The following EGR1 variants were observed in gnomAD, a reference collection of about 807,000 sequenced individuals.
EGR1 encodes the protein early growth response protein 1.
EGR1 carries 8 observed loss-of-function variants against 30.2 expected under a neutral mutation model. That is an observed-to-expected ratio of 0.26 (90% CI 0.16 to 0.48). The LOEUF is 0.48. Ranked by LOEUF, EGR1 falls within the 20% of genes least tolerant of loss-of-function variation. The probability of loss-of-function intolerance (pLI) is 0.99; values close to 1 mark genes in which losing one functional copy is unlikely to be tolerated. For synonymous variants in EGR1, 334 were observed against 312.8 expected (o/e 1.07, Z -0.72); for missense variants, 568 against 732.3 (o/e 0.78, Z 2.59).
chr5:138,466,241 C>G (rs914343384), intron 1 of EGR1, among the ~76,000 whole-genome samples, 173 bp downstream of exon 1: 1 of 152,272 alleles, frequency 6.6e-6, no homozygotes, highest in Admixed American at 6.5e-5. Flanking sequence ...CAGCCCACCC[C>G]CTGCCCTCAT....
At position 138,466,037 on chromosome 5, in the gene EGR1, G is replaced by A; in HGVS notation, c.276G>A (p.Thr92=). Residue 92 remains threonine (T), a synonymous_variant, in exon 1 of 2, where the codon ACG becomes ACA. Transcript: ENST00000239938. ...SSSTFNPQAD[T]GEQPYEHLTA... is the part of the protein sequence containing the mutation. Reference sequence around the variant, plus strand: ...GCACCTTCAACCCTCAGGCGGACACGGGCGAGCAGCCCTACGAGCACCTGA... The same window carrying A: ...GCACCTTCAACCCTCAGGCGGACACAGGCGAGCAGCCCTACGAGCACCTGA... 1 of 1,597,882 alleles carries A rather than the reference G, an allele frequency of 6.3e-7. No homozygotes were observed. The highest frequency in any genetic ancestry group is 1.3e-5 in the African/African-American group (1 of 74,772).
intron 1 of EGR1, 60 bp from the exon 2 acceptor site, chr5:138,466,697 C>G: frequency 1.3e-6 from 2 of 1,549,154 alleles, no homozygotes; most frequent in Non-Finnish European, 1.7e-6. Context: ...TCGGGTCGTC[C>G]TCGTCCTCCA....
rs1411131118 is a variant in EGR1 at position 138,468,758 on chromosome 5, A to T, written c.*677A>T. ...GTAAATACTGCTTGACCGTACTCTC[A>T]CATGTGGCAAAATATGGTTTGGTTT... On this transcript the variant is annotated 3_prime_UTR_variant, in exon 2 of 2. Coordinates refer to ENST00000239938, the MANE Select transcript of EGR1 (RefSeq NM_001964.3). 6.6e-6 allele frequency: 1 copy of T among 151,078 alleles called. No individual in the cohort carries two copies. Among genetic ancestry groups the T allele is most frequent in the East Asian group, 1.9e-4 (1 of 5,172 alleles). The allele number at this position is 151,078 out of a possible 1,614,324, so 9.4% of individuals were successfully genotyped here. A position where few individuals can be genotyped will look rare whatever the true frequency, so the allele number is the denominator to read the frequency against.
Position 138,468,364 on chromosome 5 carries a change from G to A in EGR1, c.*283G>A. On this transcript the variant is annotated 3_prime_UTR_variant, in exon 2 of 2. Transcript: ENST00000239938. Reference sequence around the variant, plus strand: ...AAGAACTTGATTTGCATGGATTTTGGATAAATCATTTCAGTATCATCTCCA... The same window carrying A: ...AAGAACTTGATTTGCATGGATTTTGAATAAATCATTTCAGTATCATCTCCA... 1 of 615,762 alleles carries A rather than the reference G, an allele frequency of 1.6e-6. No individual in the cohort carries two copies. Among genetic ancestry groups the A allele is most frequent in the Non-Finnish European group, 3.0e-6 (1 of 338,100 alleles). The allele number at this position is 615,762 out of a possible 1,614,324, so 38.1% of individuals were successfully genotyped here.
rs1272976358 is a variant in EGR1, at chr5:138,465,970, G to A, written c.209G>A (p.Gly70Asp). ...SNSSSSSSGG[G>D]GGGGGGSNSS... ...AGCAGCAGCAGCAGCAGCGGGGGCG[G>A]TGGAGGCGGCGGGGGCGGCAGCAAC... Residue 70 changes from glycine to aspartate, a missense_variant, in exon 1 of 2, where the codon GGT becomes GAT. Around this residue, in one of 4 missense-constraint regions of EGR1, gnomAD observed 415 missense variants for 445.2 expected, o/e 0.93. Transcript: ENST00000239938. The A allele has an allele frequency of 1.2e-6, 2 of 1,611,192 alleles. No homozygotes were observed. Among genetic ancestry groups the A allele is most frequent in the East Asian group, 2.2e-5 (1 of 44,814 alleles).
chr5:138,466,747 C>G lies in EGR1; in HGVS notation c.308-10C>G, dbSNP rs780705681. 2 of 1,602,264 alleles carry G rather than the reference C, an allele frequency of 1.2e-6. No homozygotes were observed. The highest frequency in any genetic ancestry group is 1.3e-5 in the African/African-American group (1 of 74,674). On this transcript the variant is annotated splice_polypyrimidine_tract_variant and intron_variant, in intron 1 of 1. Transcript: ENST00000239938. ...GTAACCAGGCCTCCCGCTTCTCTCT[C>G]TCCTGCCAGAGTCTTTTCCTGACAT... is the stretch of plus-strand genomic sequence containing the variant.
Position 138,467,295 on chromosome 5 carries a change from G to A in EGR1, c.846G>A (p.Gln282=). 2 of 1,613,966 alleles carry A rather than the reference G, an allele frequency of 1.2e-6. No individual in the cohort carries two copies. Among genetic ancestry groups the A allele is most frequent in the Non-Finnish European group, 1.7e-6 (2 of 1,180,000 alleles). ...TCCAGGGCCTGGAGAGCCGCACCCA[G>A]CAGCCTTCGCTAACCCCTCTGTCTA... ...KPFQGLESRT[Q]QPSLTPLSTI... The change falls in exon 2 of 2, where the codon CAG becomes CAA. Residue 282 remains glutamine, a synonymous_variant. Transcript: ENST00000239938. The surrounding 1 kb of genome is among the most constrained non-coding windows in gnomAD (Gnocchi z 8.3).
Position 138,467,955 on chromosome 5 carries a change from T to A in EGR1, c.1506T>A (p.Val502=). The A allele has an allele frequency of 1.2e-6, 2 of 1,613,852 alleles. No homozygotes were observed. Among genetic ancestry groups the A allele is most frequent in the South Asian group, 1.1e-5 (1 of 91,056 alleles). ...CGGTGGCCACCACGTACTCCTCTGT[T>A]CCCCCTGCTTTCCCGGCCCAGGTCA... ...SPSVATTYSS[V]PPAFPAQVSS... Residue 502 remains valine (V), a synonymous_variant, in exon 2 of 2, where the codon GTT becomes GTA. Coordinates refer to ENST00000239938, the MANE Select transcript of EGR1 (RefSeq NM_001964.3). This position sits in a 1 kb window ranked among gnomAD's most constrained non-coding sequence, Gnocchi z 8.3.
chr5:138,467,876 C>T lies in EGR1; in HGVS notation c.1427C>T (p.Ser476Phe). The T allele has an allele frequency of 1.2e-6, 2 of 1,614,004 alleles. No individual in the cohort carries two copies. The highest frequency in any genetic ancestry group is 2.2e-5 in the South Asian group (2 of 91,082). Reference protein sequence around the residue: ...YPSPVPTSFSSPGSSTYPSPV... With the variant: ...YPSPVPTSFSFPGSSTYPSPV... ...TCCCCTGTGCCCACCTCCTTCTCCT[C>T]TCCCGGCTCCTCGACCTACCCATCC... The change falls in exon 2 of 2, where the codon TCT becomes TTT. Residue 476 changes from serine (S) to phenylalanine (F), a missense_variant. Physicochemically the swap from Ser to Phe is radical, Grantham distance 155 (BLOSUM62 -2). This residue lies in a region of EGR1 where 118 missense variants were observed against 161.6 expected (regional missense o/e 0.73). Coordinates refer to ENST00000239938, the MANE Select transcript of EGR1 (RefSeq NM_001964.3). The surrounding 1 kb of genome is among the most constrained non-coding windows in gnomAD (Gnocchi z 8.3).
Position 138,466,906 on chromosome 5 carries a change from C to G in EGR1, c.457C>G (p.Pro153Ala). 1.9e-6 allele frequency: 3 copies of G among 1,614,068 alleles called. No homozygotes were observed. The highest frequency in any genetic ancestry group is 2.5e-6 in the Non-Finnish European group (3 of 1,180,018). The change falls in exon 2 of 2, where the codon CCC becomes GCC. Residue 153 changes from proline to alanine, a missense_variant. Pro to Ala is a conservative substitution (Grantham distance 27, BLOSUM62 -1). Coordinates refer to ENST00000239938, the MANE Select transcript of EGR1 (RefSeq NM_001964.3). ...PNSGNTLWPE[P>A]LFSLVSGLVS... ...CAGTGGCAACACCTTGTGGCCCGAG[C>G]CCCTCTTCAGCTTGGTCAGTGGCCT... is the stretch of plus-strand genomic sequence containing the variant.
Position 138,465,953 on chromosome 5 carries a change from C to T in EGR1, c.192C>T (p.Ser64=), listed in dbSNP as rs1162193708. Residue 64 remains serine (S), a synonymous_variant, in exon 1 of 2, where the codon AGC becomes AGT. Coordinates refer to ENST00000239938, the MANE Select transcript of EGR1 (RefSeq NM_001964.3). ...AGGGCAGCGGCAGCAACAGCAGCAG[C>T]AGCAGCAGCGGGGGCGGTGGAGGCG... is the stretch of plus-strand genomic sequence containing the variant. The part of the protein sequence containing the change: ...APEGSGSNSS[S]SSSGGGGGGG... 3.1e-6 allele frequency: 5 copies of T among 1,612,444 alleles called. No individual in the cohort carries two copies. In the Admixed American group the frequency reaches 6.7e-5, roughly 22 times the overall value.
At chr5:138,466,147 G>A in intron 1 of EGR1, 79 bp downstream of exon 1, 2 of 1,450,444 alleles carry the variant, frequency 1.4e-6, no homozygotes, top group Non-Finnish European at 1.8e-6. Context: ...GAGTGCTCCT[G>A]GATCTTAGAA....
rs866012383 is a variant in EGR1 at position 138,465,556 on chromosome 5, C to T, written c.-206C>T. ...CAGCCAGCTTCCGCCGCCGCAGGAC[C>T]GGCCCCTGCCCCAGCCTCCGCAGCC... is the stretch of plus-strand genomic sequence containing the variant. On this transcript the variant is annotated 5_prime_UTR_variant, in exon 1 of 2. Coordinates refer to ENST00000239938, the MANE Select transcript of EGR1 (RefSeq NM_001964.3). 2.6e-6 allele frequency: 1 copy of T among 378,274 alleles called. No individual in the cohort carries two copies. The highest frequency in any genetic ancestry group is 4.4e-6 in the Non-Finnish European group (1 of 225,016). 23.4% of individuals were successfully genotyped at this position (378,274 alleles called of 1,614,324 possible). A position where few individuals can be genotyped will look rare whatever the true frequency, so the allele number is the denominator to read the frequency against.
At position 138,466,981 on chromosome 5, in the gene EGR1, GC is replaced by G; in HGVS notation, c.533del (p.Ala178GlyfsTer13). On this transcript the variant is annotated frameshift_variant, in exon 2 of 2. Transcript: ENST00000239938. LOFTEE classifies it high-confidence loss of function. Reference protein sequence around the residue: ...PASSSSAPSPAASSASASQSP... With the variant: ...PASSSSAPSPXASSASASQSP... Reference sequence around the variant, plus strand: ...CTCCTCGTCCTCAGCACCATCTCCAGCGGCCTCCTCCGCCTCCGCCTCCCAG... The same window carrying G: ...CTCCTCGTCCTCAGCACCATCTCCAGGGCCTCCTCCGCCTCCGCCTCCCAG... 1 of 1,613,870 alleles carries G rather than the reference GC, an allele frequency of 6.2e-7. No homozygotes were observed. Among genetic ancestry groups the G allele is most frequent in the Non-Finnish European group, 8.5e-7 (1 of 1,179,984 alleles).
At chr5:138,466,662 C>A in intron 1 of EGR1, 95 bp from the exon 2 acceptor site, 1 of 1,425,118 alleles carries the variant, frequency 7.0e-7, no homozygotes, top group Non-Finnish European at 9.6e-7. Context: ...TCAATGGTAG[C>A]CGGCCCGGTC....
At position 138,468,490 on chromosome 5, in the gene EGR1, C is replaced by G. The variant is rs1764189220; in HGVS notation, c.*409C>G. The stretch of plus-strand genomic sequence containing the variant: ...CCTGCCCTGCACCCTTGTACAGTGT[C>G]TGTGCCATGGATTTCGTTTTTCTTG... On this transcript the variant is annotated 3_prime_UTR_variant, in exon 2 of 2. Coordinates refer to ENST00000239938, the MANE Select transcript of EGR1 (RefSeq NM_001964.3). 3.9e-6 allele frequency: 1 copy of G among 257,088 alleles called. No homozygotes were observed. The highest frequency in any genetic ancestry group is 1.2e-4 in the East Asian group (1 of 8,490). 15.9% of individuals were successfully genotyped at this position (257,088 alleles called of 1,614,324 possible).
chr5:138,467,850 A>G lies in EGR1; in HGVS notation c.1401A>G (p.Pro467=), dbSNP rs778876846. 1 of 1,613,006 alleles carries G rather than the reference A, an allele frequency of 6.2e-7. No homozygotes were observed. The highest frequency in any genetic ancestry group is 8.5e-7 in the Non-Finnish European group (1 of 1,179,666). Residue 467 remains proline (P), a synonymous_variant, in exon 2 of 2, where the codon CCA becomes CCG. Coordinates refer to ENST00000239938, the MANE Select transcript of EGR1 (RefSeq NM_001964.3). This position sits in a 1 kb window ranked among gnomAD's most constrained non-coding sequence, Gnocchi z 8.3. ...CATCCCCGGCCACCACCTCATACCC[A>G]TCCCCTGTGCCCACCTCCTTCTCCT... ...SYPSPATTSY[P]SPVPTSFSSP... is the part of the protein sequence containing the mutation.
intron 1 of EGR1, 55 bp downstream of exon 1, chr5:138,466,123 GT>G (rs1055693296): frequency 2.0e-6 from 3 of 1,482,172 alleles, no homozygotes; most frequent in Non-Finnish European, 8.9e-7. Context: ...CTGGCGTCCT[GT>G]CCTTCACCGC....
rs1250893979 is a variant in EGR1 at position 138,467,589 on chromosome 5, C to T, written c.1140C>T (p.Ser380=). The T allele has an allele frequency of 6.2e-7, 1 of 1,613,870 alleles. No homozygotes were observed. Among genetic ancestry groups the T allele is most frequent in the East Asian group, 2.2e-5 (1 of 44,860 alleles). The part of the protein sequence containing the change: ...CRICMRNFSR[S]DHLTTHIRTH... Reference sequence around the variant, plus strand: ...TCTGCATGCGCAACTTCAGCCGCAGCGACCACCTCACCACCCACATCCGCA... The same window carrying T: ...TCTGCATGCGCAACTTCAGCCGCAGTGACCACCTCACCACCCACATCCGCA... The change falls in exon 2 of 2, where the codon AGC becomes AGT. Residue 380 remains serine (S), a synonymous_variant. Coordinates refer to ENST00000239938, the MANE Select transcript of EGR1 (RefSeq NM_001964.3). The surrounding 1 kb of genome is among the most constrained non-coding windows in gnomAD (Gnocchi z 8.3).
Sources: gnomAD v4.1 joint callset for allele counts (sites outside exome capture counted in the v4.1 genomes callset) on GRCh38, gnomAD v4.1.1 for gene constraint, gnomAD v4.1.1 regional missense constraint, Gnocchi (gnomAD v3.1) non-coding constraint, MANE v1.5 for transcripts, NCBI Gene and HGNC (gene_info 2026-07-23, HGNC 2026-07-21) for gene names.